USP34: variants seen among roughly 807,000 people sequenced by gnomAD.
USP34 encodes the protein ubiquitin carboxyl-terminal hydrolase 34.
USP34 carries 70 observed loss-of-function variants against 460.3 expected under a neutral mutation model. The observed-to-expected ratio is 0.15, with a 90% CI of 0.13 to 0.19. The LOEUF (loss-of-function observed/expected upper bound fraction) is 0.19. Among genes scored for constraint, USP34 ranks in the 10% least tolerant of loss-of-function variants. USP34 has a pLI of 1.00. For synonymous variants in USP34, 1,647 were observed against 1,405.3 expected, an observed-to-expected ratio of 1.17 and a Z score of -3.85; for missense variants, 3,985 against 4,236.2, an observed-to-expected ratio of 0.94 and a Z score of 1.65.
intron 33 of USP34, among the ~76,000 whole-genome samples, chr2:61,292,566 A>G (rs1023511928): frequency 6.6e-6 from 1 of 152,234 alleles, no homozygotes; most frequent in Non-Finnish European, 1.5e-5. Flanking sequence ...ACTAACACTG[A>G]CGATAGCTGA....
chr2:61,282,696 C>T (rs573893075), intron 37 of USP34, among the ~76,000 whole-genome samples: 2 of 152,058 alleles, frequency 1.3e-5, no homozygotes, highest in African/African-American at 4.8e-5. Context: ...AGGCTGAAGC[C>T]AGAGGATCGC....
intron 5 of USP34, among the ~76,000 whole-genome samples, chr2:61,392,207 C>T (rs529456344): frequency 6.6e-6 from 1 of 152,282 alleles, no homozygotes; most frequent in Non-Finnish European, 1.5e-5. Context: ...TGACATGCAC[C>T]TTTAGTCCCA....
At chr2:61,350,528 ACG>A in intron 11 of USP34, 38 bp downstream of exon 11, 1 of 1,569,482 alleles carries the variant, frequency 6.4e-7, no homozygotes, top group Non-Finnish European at 8.6e-7. Flanking sequence ...TTTTCACTTC[ACG>A]GGAAAAAAAA....
At chr2:61,440,230 C>G (rs1408341228) in intron 1 of USP34, among the ~76,000 whole-genome samples, 3 of 152,136 alleles carry the variant, frequency 2.0e-5, no homozygotes, top group Non-Finnish European at 2.9e-5. Flanking sequence ...AACACCACCA[C>G]TCTGCCATCC....
Position 61,192,994 on chromosome 2 carries a change from A to G in USP34, c.9509-14T>C, listed in dbSNP as rs756314631. On this transcript the variant is annotated splice_polypyrimidine_tract_variant and intron_variant, in intron 75 of 79. Transcript: ENST00000398571. ...CAACTAGGACACCTAATATTTGAAA[A>G]GAAATCAGAATAGGTTATAATTATA... The G allele has an allele frequency of 2.5e-6, 4 of 1,600,930 alleles. No homozygotes were observed. The highest frequency in any genetic ancestry group is 3.3e-5 in the Admixed American group (2 of 59,864).
chr2:61,394,133 A>G (rs1693442144), intron 5 of USP34, among the ~76,000 whole-genome samples: 1 of 152,196 alleles, frequency 6.6e-6, no homozygotes, highest in Non-Finnish European at 1.5e-5. Context: ...AAAAATAAAT[A>G]AAAGTATCTT....
intron 75 of USP34, among the ~76,000 whole-genome samples, chr2:61,194,810 G>C (rs1393979603): frequency 1.3e-5 from 2 of 152,114 alleles, no homozygotes; most frequent in African/African-American, 4.8e-5. Context: ...AAAACTAGCA[G>C]GGCGTGGTGG....
At chr2:61,360,467 T>C (rs974202573) in intron 10 of USP34, among the ~76,000 whole-genome samples, 1 of 152,114 alleles carries the variant, frequency 6.6e-6, no homozygotes, top group East Asian at 1.9e-4. Flanking sequence ...TATTTTACAA[T>C]ATGTAGAAAT....
At chr2:61,219,709 C>T (rs568263195) in intron 67 of USP34, among the ~76,000 whole-genome samples, 1 of 150,926 alleles carries the variant, frequency 6.6e-6, no homozygotes, top group South Asian at 2.1e-4. Flanking sequence ...GGATACCAGA[C>T]ATGTTTATTG....
At position 61,395,846 on chromosome 2, in the gene USP34, A is replaced by C. The variant is rs370543157; in HGVS notation, c.553-613T>G. ...TTTGGGAGGCCGAGGCGGGTGGATC[A>C]CCTGAGGTCAGGAGATCAAGATCAG... On this transcript the variant is annotated intron_variant, in intron 3 of 79. Coordinates refer to ENST00000398571, the MANE Select transcript of USP34 (RefSeq NM_014709.4). Among the ~76,000 whole-genome samples the C allele has an allele frequency of 2.4e-4, 37 of 151,172 alleles. 2 individuals carry two copies. In the East Asian group the frequency reaches 4.1e-3, roughly 17 times the overall value.
chr2:61,356,429 G>A (rs1692106062), intron 10 of USP34, among the ~76,000 whole-genome samples: 1 of 151,868 alleles, frequency 6.6e-6, no homozygotes, highest in South Asian at 2.1e-4. Context: ...GGTCAAGGTT[G>A]CAGTGAGCCA....
intron 1 of USP34, among the ~76,000 whole-genome samples, chr2:61,461,654 T>C (rs1695604094): frequency 6.6e-6 from 1 of 152,118 alleles, no homozygotes; most frequent in Admixed American, 6.6e-5. Flanking sequence ...CACCATGCCC[T>C]GCTAAAATAA....
intron 48 of USP34, among the ~76,000 whole-genome samples, chr2:61,255,350 G>A (rs1378678910): frequency 6.6e-6 from 1 of 152,068 alleles, no homozygotes; most frequent in African/African-American, 2.4e-5. Flanking sequence ...CTCTATTCTA[G>A]ACCTCTCACC....
At chr2:61,196,616 G>T (rs990817732) in intron 75 of USP34, among the ~76,000 whole-genome samples, 6 of 151,550 alleles carry the variant, frequency 4.0e-5, no homozygotes, top group African/African-American at 9.7e-5. Flanking sequence ...CTGCAGCCTC[G>T]ACTTTCCCAG....
intron 20 of USP34, among the ~76,000 whole-genome samples, chr2:61,326,027 T>A (rs934528245): frequency 1.3e-5 from 2 of 152,134 alleles, no homozygotes; most frequent in Admixed American, 6.6e-5. Flanking sequence ...AAGAAGCAAC[T>A]TTTAGTGAGG....
In USP34 at chr2:61,190,660, TA is replaced by T; in HGVS notation, c.9589-3del. Reference sequence around the variant, plus strand: ...GATGCAGTTTTTTGACATAGCAGACTAAAGTGGGGAGAAGATGGTTGAGCAC... The same window carrying T: ...GATGCAGTTTTTTGACATAGCAGACTAAGTGGGGAGAAGATGGTTGAGCAC... On this transcript the variant is annotated splice_polypyrimidine_tract_variant and splice_region_variant and intron_variant, in intron 76 of 79. Transcript: ENST00000398571. 1 of 1,612,118 alleles carries T rather than the reference TA, an allele frequency of 6.2e-7. No homozygotes were observed. The highest frequency in any genetic ancestry group is 8.5e-7 in the Non-Finnish European group (1 of 1,179,322).
At chr2:61,353,159 AC>A (rs1488121705) in intron 10 of USP34, among the ~76,000 whole-genome samples, 2 of 152,202 alleles carry the variant, frequency 1.3e-5, no homozygotes, top group Non-Finnish European at 2.9e-5. Flanking sequence ...GGCAGTAAGG[AC>A]CACGTCCCTG....
chr2:61,470,114 A>G (rs1434909310), intron 1 of USP34, among the ~76,000 whole-genome samples: 2 of 152,226 alleles, frequency 1.3e-5, no homozygotes, highest in Non-Finnish European at 2.9e-5. Flanking sequence ...GTTTTCAGCT[A>G]TTTAAGGTCT....
At chr2:61,295,896 T>C (rs1430423278) in intron 30 of USP34, among the ~76,000 whole-genome samples, 1 of 152,256 alleles carries the variant, frequency 6.6e-6, no homozygotes. Flanking sequence ...GGACATTTAT[T>C]TTTTCATTCA....
Sources: allele counts gnomAD v4.1 joint callset (sites outside exome capture counted in the v4.1 genomes callset), GRCh38; gene constraint gnomAD v4.1.1; transcripts MANE v1.5; gene names NCBI Gene and HGNC (gene_info 2026-07-23, HGNC 2026-07-21).